Variants in METTL6 observed in about 807,000 individuals in gnomAD.
METTL6 encodes tRNA N(3)-cytidine methyltransferase METTL6.
In METTL6, 22 loss-of-function variants were observed where a neutral mutation model predicts 26.4. The ratio of observed to expected loss-of-function variants is 0.83; its 90% CI spans 0.59 to 1.19. METTL6 has a LOEUF of 1.19. Ranked by LOEUF, METTL6 falls within the 50% of genes most tolerant of loss-of-function variation. The probability of loss-of-function intolerance (pLI) is 0.00; values close to 1 mark genes in which losing one functional copy is unlikely to be tolerated. For synonymous variants in METTL6, 109 were observed against 116.2 expected (o/e 0.94, Z 0.40); for missense variants, 304 against 324.8 (o/e 0.94, Z 0.49).
intron 3 of METTL6, among the ~76,000 whole-genome samples, chr3:15,420,728 T>A (rs1301594304): frequency 6.6e-6 from 1 of 152,186 alleles, no homozygotes; most frequent in Non-Finnish European, 1.5e-5. Flanking sequence ...ATGACCAACG[T>A]AGAGTCAGTA....
rs146293826 is a variant in METTL6 at position 15,418,686 on chromosome 3, T to C, written c.361-2744A>G. On this transcript the variant is annotated intron_variant, in intron 3 of 5. Transcript: ENST00000383790. ...AAAAAACATAACCAAAATTATAAAA[T>C]AACTATATAACCAAAAATTAGTAAG... is the stretch of plus-strand genomic sequence containing the variant. Among the ~76,000 whole-genome samples, 6 of 152,210 alleles carry C rather than the reference T, an allele frequency of 3.9e-5. No homozygotes were observed. The East Asian group carries it at 1.2e-3, about 29-fold the overall frequency.
chr3:15,413,080 A>G (rs1700040671), intron 5 of METTL6, among the ~76,000 whole-genome samples: 1 of 152,104 alleles, frequency 6.6e-6, no homozygotes, highest in Non-Finnish European at 1.5e-5. Context: ...CCGCATCTCT[A>G]CTAAAAATAC....
intron 6 of METTL6, among the ~76,000 whole-genome samples, chr3:15,404,649 C>T (rs1015272632): frequency 6.6e-6 from 1 of 151,876 alleles, no homozygotes; most frequent in Admixed American, 6.6e-5. Context: ...CCTTGCCCTG[C>T]CCTTATTTTT....
chr3:15,390,355 G>T (rs1699311242), intron 6 of METTL6, among the ~76,000 whole-genome samples: 1 of 152,100 alleles, frequency 6.6e-6, no homozygotes, highest in African/African-American at 2.4e-5. Context: ...TTGAACCTGG[G>T]AAGCAGAGGT....
At chr3:15,386,394 A>T (rs536642990) in intron 6 of METTL6, among the ~76,000 whole-genome samples, 1 of 152,270 alleles carries the variant, frequency 6.6e-6, no homozygotes, top group Non-Finnish European at 1.5e-5. Flanking sequence ...GATTGAGACA[A>T]CTTTTAGAGC....
At chr3:15,421,922 A>T (rs921888189) in intron 3 of METTL6, among the ~76,000 whole-genome samples, 3 of 152,182 alleles carry the variant, frequency 2.0e-5, no homozygotes, top group African/African-American at 7.2e-5. Flanking sequence ...CAAATTAAAA[A>T]ATAAAATAAA....
At chr3:15,402,744 A>C (rs1303426129) in intron 6 of METTL6, among the ~76,000 whole-genome samples, 2 of 150,952 alleles carry the variant, frequency 1.3e-5, no homozygotes, top group Non-Finnish European at 2.9e-5. Context: ...TCAAAAAAAA[A>C]AAAAAGAAAA....
At chr3:15,415,488 C>T (rs1314043262) in intron 4 of METTL6, 3 of 1,586,840 alleles carry the variant, frequency 1.9e-6, no homozygotes, top group East Asian at 2.2e-5. Flanking sequence ...TAAACCATAA[C>T]TCCTCTCACC....
At chr3:15,386,298 A>G (rs1031616693) in intron 6 of METTL6, among the ~76,000 whole-genome samples, 1 of 152,250 alleles carries the variant, frequency 6.6e-6, no homozygotes, top group Non-Finnish European at 1.5e-5. Context: ...CAGCAAAGCC[A>G]CATGGGGCTG....
intron 3 of METTL6, among the ~76,000 whole-genome samples, chr3:15,416,430 AT>A (rs1000660458): frequency 4.6e-5 from 7 of 151,914 alleles, no homozygotes; most frequent in Admixed American, 3.9e-4. Flanking sequence ...TTTTATTTTT[AT>A]TTTTGTAAAG....
chr3:15,422,159 T>C (rs958511478), intron 3 of METTL6, among the ~76,000 whole-genome samples: 5 of 147,196 alleles, frequency 3.4e-5, no homozygotes, highest in Non-Finnish European at 7.4e-5. Flanking sequence ...GACCCGTCTC[T>C]ACAAAAAAAT....
chr3:15,404,713 G>A (rs867338445), intron 6 of METTL6, among the ~76,000 whole-genome samples: 56 of 152,046 alleles, frequency 3.7e-4, no homozygotes, highest in Non-Finnish European at 6.9e-4. Context: ...GCTCAGGCTG[G>A]AGTGCAGTGG....
intron 6 of METTL6, among the ~76,000 whole-genome samples, chr3:15,397,975 GA>G (rs1218628933): frequency 6.6e-6 from 1 of 152,104 alleles, no homozygotes; most frequent in Non-Finnish European, 1.5e-5. Context: ...ACCCAGGAGT[GA>G]TTCAGCATGC....
chr3:15,413,742 A>T, intron 5 of METTL6: 1 of 1,369,220 alleles, frequency 7.3e-7, no homozygotes, highest in Non-Finnish European at 9.6e-7. Context: ...TTCCAGCACA[A>T]TTCCTAGTAG....
Position 15,410,688 on chromosome 3 carries a change from G to C in METTL6, c.*568C>G, listed in dbSNP as rs563245836. Among the ~76,000 whole-genome samples, 4 of 152,052 alleles carry C rather than the reference G, an allele frequency of 2.6e-5. 1 individual carries two copies. The South Asian group carries it at 8.3e-4, about 32-fold the overall frequency. ...GGTAAGTGAAACCATGGATAAAGCG[G>C]GACTACTGTACATGCTCATTAAAAA... On this transcript the variant is annotated 3_prime_UTR_variant, in exon 6 of 6. Transcript: ENST00000383790.
At chr3:15,411,569 A>C in intron 5 of METTL6, 132 bp from the exon 6 acceptor site, 1 of 893,788 alleles carries the variant, frequency 1.1e-6, no homozygotes, top group Non-Finnish European at 1.6e-6. Context: ...CTAAAATTTA[A>C]AGGTTTTGAT....
rs563280249 is a variant in METTL6, at chr3:15,411,350, C to G, written c.761G>C (p.Gly254Ala). ...AAGGAAAACTCTTGGCACACACAGG[C>G]CTTCTTTTTTATTCACCGTCTCTCG... ...VFRETVNKKE[G>A]LCVPRVFLQS... The change falls in exon 6 of 6, where the codon GGC (glycine) becomes GCC (alanine). Residue 254 changes from glycine to alanine, a missense_variant. Coordinates refer to ENST00000383790, the MANE Select transcript of METTL6 (RefSeq NM_152396.4). 6.2e-7 allele frequency: 1 copy of G among 1,614,196 alleles called. No homozygotes were observed. The highest frequency in any genetic ancestry group is 8.5e-7 in the Non-Finnish European group (1 of 1,180,028).
At chr3:15,398,728 T>G (rs1027067864) in intron 6 of METTL6, among the ~76,000 whole-genome samples, 1 of 152,164 alleles carries the variant, frequency 6.6e-6, no homozygotes, top group African/African-American at 2.4e-5. Context: ...CATGTACCTG[T>G]AGTCCTAGCT....
rs917561330 is a variant in METTL6 at position 15,411,388 on chromosome 3, G to A, written c.723C>T (p.Asn241=). The change falls in exon 6 of 6, where the codon AAC becomes AAT. Residue 241 remains asparagine (N), a synonymous_variant. Transcript: ENST00000383790. ...TCACCGTCTCTCGAAACACATACTC[G>A]TTTACCACTTCTTCATAACCTGTGT... ...FMDTGYEEVV[N]EYVFRETVNK... 25 of 1,613,958 alleles carry A rather than the reference G, an allele frequency of 1.5e-5. No homozygotes were observed. The East Asian group carries it at 3.6e-4, about 23-fold the overall frequency.
Sources: allele counts gnomAD v4.1 joint callset (sites outside exome capture counted in the v4.1 genomes callset), GRCh38; gene constraint gnomAD v4.1.1; transcripts MANE v1.5; gene names NCBI Gene and HGNC (gene_info 2026-07-23, HGNC 2026-07-21).